Variants in TBC1D22B observed in about 807,000 individuals in gnomAD.
TBC1D22B encodes chromosome 6 open reading frame 197.
In TBC1D22B, 32 loss-of-function variants were observed where a neutral mutation model predicts 69.1. That is an observed-to-expected ratio of 0.46 (90% CI 0.35 to 0.62). The LOEUF is 0.62. Ranked by LOEUF, TBC1D22B falls within the 20% of genes least tolerant of loss-of-function variation. TBC1D22B has a pLI of 0.00. For missense variants in TBC1D22B, 462 were observed against 630.9 expected, an observed-to-expected ratio of 0.73 and a Z score of 2.87; for synonymous variants, 206 against 229.8, an observed-to-expected ratio of 0.90 and a Z score of 0.94.
intron 2 of TBC1D22B, among the ~76,000 whole-genome samples, chr6:37,273,100 C>G (rs569813459): frequency 6.9e-6 from 1 of 145,516 alleles, no homozygotes; most frequent in African/African-American, 2.6e-5. Flanking sequence ...CCTCTTTTTG[C>G]TGCCACTCAC....
chr6:37,322,205 G>A (rs553593788), intron 12 of TBC1D22B, among the ~76,000 whole-genome samples: 1 of 152,284 alleles, frequency 6.6e-6, no homozygotes, highest in African/African-American at 2.4e-5. Context: ...GCAATAGGAG[G>A]CCTGTCAGGG....
chr6:37,319,874 T>C (rs1768189106), intron 12 of TBC1D22B, among the ~76,000 whole-genome samples: 1 of 152,208 alleles, frequency 6.6e-6, no homozygotes, highest in Non-Finnish European at 1.5e-5. Context: ...GGTTGTGAAC[T>C]GTTGGGTGTG....
At chr6:37,314,853 G>A (rs528068885) in intron 10 of TBC1D22B, among the ~76,000 whole-genome samples, 1 of 131,802 alleles carries the variant, frequency 7.6e-6, no homozygotes, top group South Asian at 2.5e-4. Context: ...TCATTGAGTT[G>A]TTCCACTCAC....
chr6:37,290,402 A>G (rs574905800), intron 7 of TBC1D22B, among the ~76,000 whole-genome samples: 1 of 152,296 alleles, frequency 6.6e-6, no homozygotes, highest in Non-Finnish European at 1.5e-5. Context: ...GGCAATGGGT[A>G]TTATCAGGTT....
At chr6:37,309,272 T>C (rs1487082530) in intron 8 of TBC1D22B, among the ~76,000 whole-genome samples, 3 of 152,222 alleles carry the variant, frequency 2.0e-5, no homozygotes. Context: ...AGCCATGTGC[T>C]TGCTATTCTG....
rs76146731 is a variant in TBC1D22B, at chr6:37,323,819, G to A, written c.1389+6613G>A. 6.8e-3 allele frequency among the ~76,000 whole-genome samples: 1,042 copies of A among 152,286 alleles called. 12 individuals are homozygous for A. Among genetic ancestry groups the A allele is most frequent in the African/African-American group, 0.022 (930 of 41,542 alleles). ...ACACAAGGGTTCAGAGGGAACCCTG[G>A]GAACTGAAGATCTTTCTGCCCAAAA... On this transcript the variant is annotated intron_variant, in intron 12 of 12. Coordinates refer to ENST00000373491, the MANE Select transcript of TBC1D22B (RefSeq NM_017772.4).
At chr6:37,329,322 C>G in intron 12 of TBC1D22B, among the ~76,000 whole-genome samples, 2 of 152,294 alleles carry the variant, frequency 1.3e-5, no homozygotes, top group Non-Finnish European at 1.5e-5. Context: ...ACATGTAGAC[C>G]GGCTTCGCTT....
At position 37,264,355 on chromosome 6, in the gene TBC1D22B, C is replaced by T. The variant is rs188377831; in HGVS notation, c.57-5239C>T. 1.0e-3 allele frequency among the ~76,000 whole-genome samples: 153 copies of T among 152,298 alleles called. 1 individual carries two copies. The highest frequency in any genetic ancestry group is 3.6e-3 in the African/African-American group (150 of 41,558). ...GACACGGGGTTTCACTCTTGTTGCC[C>T]TGGCTGGAGTGCAATGGCACGATCT... is the stretch of plus-strand genomic sequence containing the variant. On this transcript the variant is annotated intron_variant, in intron 1 of 12. Coordinates refer to ENST00000373491, the MANE Select transcript of TBC1D22B (RefSeq NM_017772.4).
At chr6:37,325,036 T>TCCTCTTCCTCCTCAATTATTCTC (rs1175772139) in intron 12 of TBC1D22B, among the ~76,000 whole-genome samples, 1 of 152,372 alleles carries the variant, frequency 6.6e-6, no homozygotes, top group East Asian at 1.9e-4. Flanking sequence ...TTGGTGTTCT[T>TCCTCTTCCTCCTCAATTATTCTC]CCTCTTCCTC....
chr6:37,258,102 T>A, intron 1 of TBC1D22B, 129 bp downstream of exon 1: 4 of 1,059,382 alleles, frequency 3.8e-6, no homozygotes, highest in Non-Finnish European at 5.3e-6. Context: ...GACTGCCTGG[T>A]GGCGGCAGGG....
chr6:37,271,544 C>T (rs1212615070), intron 2 of TBC1D22B, among the ~76,000 whole-genome samples: 2 of 152,078 alleles, frequency 1.3e-5, no homozygotes, highest in African/African-American at 4.8e-5. Flanking sequence ...TAGGAAATCT[C>T]TGTACCTTCC....
intron 8 of TBC1D22B, among the ~76,000 whole-genome samples, chr6:37,300,387 A>T (rs1452172158): frequency 1.3e-5 from 2 of 152,054 alleles, no homozygotes; most frequent in Middle Eastern, 3.4e-3. Flanking sequence ...TTTGAGATGG[A>T]ATCTCACTCT....
At chr6:37,313,728 G>T (rs957727311) in intron 9 of TBC1D22B, 88 bp from the exon 10 acceptor site, 49 of 1,276,046 alleles carry the variant, frequency 3.8e-5, no homozygotes, top group Non-Finnish European at 5.2e-5. Flanking sequence ...TTGGAAAATG[G>T]CCTGAACTTC....
intron 12 of TBC1D22B, among the ~76,000 whole-genome samples, chr6:37,328,386 T>A (rs1187327091): frequency 6.6e-6 from 1 of 152,198 alleles, no homozygotes. Context: ...GAATTTGGCT[T>A]AGGGAAATAA....
At chr6:37,259,474 A>T (rs1353832933) in intron 1 of TBC1D22B, among the ~76,000 whole-genome samples, 3 of 151,988 alleles carry the variant, frequency 2.0e-5, no homozygotes, top group Non-Finnish European at 4.4e-5. Flanking sequence ...CAATAGGAAG[A>T]CTGTTGTATC....
chr6:37,313,801 C>G lies in TBC1D22B; in HGVS notation c.1090-15C>G, dbSNP rs778371086. On this transcript the variant is annotated splice_polypyrimidine_tract_variant and intron_variant, in intron 9 of 12. Coordinates refer to ENST00000373491, the MANE Select transcript of TBC1D22B (RefSeq NM_017772.4). ...TTAGAGTCCATGTTCATCCTGGGCT[C>G]TGTGTCATTTGCAGGATAACTACAC... The G allele has an allele frequency of 6.2e-7, 1 of 1,613,538 alleles. No individual in the cohort carries two copies. Among genetic ancestry groups the G allele is most frequent in the Non-Finnish European group, 8.5e-7 (1 of 1,179,426 alleles).
In TBC1D22B at chr6:37,268,309, C is replaced by T. The variant is rs969873327; in HGVS notation, c.57-1285C>T. On this transcript the variant is annotated intron_variant, in intron 1 of 12. Transcript: ENST00000373491. ...GAGTGCAGTGGTGTGCTCACTGCAG[C>T]CTGGACCCTCCTGGGGTCAAGCGAT... Among the ~76,000 whole-genome samples, 4 of 152,018 alleles carry T rather than the reference C, an allele frequency of 2.6e-5. 1 individual carries two copies. The South Asian group carries it at 6.2e-4, about 24-fold the overall frequency.
At chr6:37,329,586 G>T (rs1299864547) in intron 12 of TBC1D22B, among the ~76,000 whole-genome samples, 1 of 152,200 alleles carries the variant, frequency 6.6e-6, no homozygotes, top group African/African-American at 2.4e-5. Flanking sequence ...ATATAAACTT[G>T]TCTACTGTAA....
intron 8 of TBC1D22B, chr6:37,295,747 A>G: frequency 3.3e-6 from 1 of 299,966 alleles, no homozygotes; most frequent in Non-Finnish European, 6.6e-6. Context: ...AAAGTTCCAC[A>G]TGGCTGGGGA....
Sources: allele counts gnomAD v4.1 joint callset (sites outside exome capture counted in the v4.1 genomes callset), GRCh38; gene constraint gnomAD v4.1.1; transcripts MANE v1.5; gene names NCBI Gene and HGNC (gene_info 2026-07-23, HGNC 2026-07-21).